The following NTNG1 variants were observed in gnomAD, a reference collection of about 807,000 sequenced individuals.
NTNG1 encodes the protein netrin G1, also known as netrin-G1.
In NTNG1, 16 loss-of-function variants were observed where a neutral mutation model predicts 54.0. The ratio of observed to expected loss-of-function variants is 0.30; its 90% CI spans 0.20 to 0.45. NTNG1 has a LOEUF of 0.45. Among genes scored for constraint, NTNG1 ranks in the 20% least tolerant of loss-of-function variants. The pLI, the probability that NTNG1 is intolerant of heterozygous loss-of-function variation, is 1.00. For synonymous variants in NTNG1, 255 were observed against 263.1 expected (o/e 0.97, Z 0.30); for missense variants, 530 against 678.7 (o/e 0.78, Z 2.43).
At chr1:107,264,818 G>T (rs1479290506) in intron 2 of NTNG1, among the ~76,000 whole-genome samples, 2 of 152,176 alleles carry the variant, frequency 1.3e-5, no homozygotes, top group Non-Finnish European at 2.9e-5. Flanking sequence ...ACTCTGTACA[G>T]CTGTCCTTGG....
At chr1:107,315,412 C>T (rs1045430106) in intron 2 of NTNG1, among the ~76,000 whole-genome samples, 1 of 152,082 alleles carries the variant, frequency 6.6e-6, no homozygotes, top group African/African-American at 2.4e-5. Flanking sequence ...TTGTGGCAGG[C>T]CTCCCCTTAC....
chr1:107,319,865 T>TATATATATATATATATATATATATATATA (rs1667552751), intron 2 of NTNG1, among the ~76,000 whole-genome samples: 1 of 147,872 alleles, frequency 6.8e-6, no homozygotes, highest in African/African-American at 2.5e-5. Flanking sequence ...TACCTGAGGT[T>TATATATATATATATATATATATATATATA]TATATATATA....
intron 5 of NTNG1, among the ~76,000 whole-genome samples, chr1:107,425,240 T>C (rs1394188628): frequency 6.6e-6 from 1 of 152,074 alleles, no homozygotes; most frequent in Non-Finnish European, 1.5e-5. Flanking sequence ...TTCATGGATA[T>C]TACATGCATA....
intron 2 of NTNG1, among the ~76,000 whole-genome samples, chr1:107,151,852 A>C (rs1407087892): frequency 6.6e-6 from 1 of 152,174 alleles, no homozygotes; most frequent in Non-Finnish European, 1.5e-5. Context: ...CCTGGATGGC[A>C]TACTTAATAA....
At chr1:107,259,410 T>A (rs1030552929) in intron 2 of NTNG1, among the ~76,000 whole-genome samples, 2 of 152,170 alleles carry the variant, frequency 1.3e-5, no homozygotes, top group African/African-American at 2.4e-5. Context: ...AGGAAGCATG[T>A]GTAAGGCATG....
chr1:107,188,411 A>G (rs770030212), intron 2 of NTNG1, among the ~76,000 whole-genome samples: 10 of 152,170 alleles, frequency 6.6e-5, no homozygotes, highest in Non-Finnish European at 1.2e-4. Context: ...CACACTCTGC[A>G]TAAGTAATAT....
At chr1:107,306,648 G>C (rs949687386) in intron 2 of NTNG1, among the ~76,000 whole-genome samples, 4 of 152,104 alleles carry the variant, frequency 2.6e-5, no homozygotes. Flanking sequence ...CTACTCAGGA[G>C]GCTGAGGCCG....
intron 2 of NTNG1, among the ~76,000 whole-genome samples, chr1:107,294,022 C>G (rs1189752966): frequency 6.6e-6 from 1 of 152,150 alleles, no homozygotes. Context: ...ATCAGACAGG[C>G]AGCAGCAGTA....
chr1:107,456,991 A>G (rs1676994899), intron 7 of NTNG1, among the ~76,000 whole-genome samples: 1 of 152,254 alleles, frequency 6.6e-6, no homozygotes, highest in African/African-American at 2.4e-5. Context: ...AACACCATCC[A>G]CACATGTAAG....
intron 3 of NTNG1, among the ~76,000 whole-genome samples, chr1:107,342,043 G>T (rs1199703304): frequency 6.6e-6 from 1 of 152,002 alleles, no homozygotes; most frequent in African/African-American, 2.4e-5. Flanking sequence ...ATTAATAAAT[G>T]ACATCAAAAA....
At chr1:107,346,500 C>A (rs965887743) in intron 3 of NTNG1, among the ~76,000 whole-genome samples, 1 of 152,118 alleles carries the variant, frequency 6.6e-6, no homozygotes, top group Non-Finnish European at 1.5e-5. Flanking sequence ...GATGGCTGTT[C>A]TGGATTTAAA....
chr1:107,394,437 TTC>T (rs1553238992), intron 3 of NTNG1, among the ~76,000 whole-genome samples: 2 of 152,124 alleles, frequency 1.3e-5, no homozygotes, highest in Admixed American at 1.3e-4. Flanking sequence ...GGATTTTTTT[TTC>T]TCCTTTAGGA....
intron 3 of NTNG1, among the ~76,000 whole-genome samples, chr1:107,384,106 G>A (rs548660995): frequency 2.6e-5 from 4 of 152,204 alleles, no homozygotes; most frequent in African/African-American, 7.2e-5. Flanking sequence ...TGGTCACGGA[G>A]CACCATCATA....
intron 2 of NTNG1, among the ~76,000 whole-genome samples, chr1:107,277,349 G>A (rs1427559605): frequency 2.0e-5 from 3 of 152,160 alleles, no homozygotes; most frequent in South Asian, 4.1e-4. Flanking sequence ...GGTGACCACA[G>A]TGGCTTGAAA....
intron 2 of NTNG1, among the ~76,000 whole-genome samples, chr1:107,250,201 A>C (rs1240026258): frequency 6.6e-6 from 1 of 152,236 alleles, no homozygotes; most frequent in Admixed American, 6.5e-5. Flanking sequence ...GTGATAAGAT[A>C]ATGAGATGGC....
Position 107,480,789 on chromosome 1 carries a change from G to T in NTNG1, c.1569G>T (p.Ala523=), listed in dbSNP as rs749716911. The change falls in exon 8 of 8, where the codon GCG becomes GCT. Residue 523 remains alanine, a synonymous_variant. Coordinates refer to ENST00000370068, the MANE Select transcript of NTNG1 (RefSeq NM_001113226.3). Reference sequence around the variant, plus strand: ...GCGCGCCCCCGCACGGCTCCCCAGCGCTGCTGCTGCTGACCACGCTGCTGG... The same window carrying T: ...GCGCGCCCCCGCACGGCTCCCCAGCTCTGCTGCTGCTGACCACGCTGCTGG... ...GQGAPPHGSP[A]LLLLTTLLGT... The T allele has an allele frequency of 2.1e-5, 34 of 1,590,676 alleles. No individual in the cohort carries two copies. The highest frequency in any genetic ancestry group is 1.6e-4 in the Admixed American group (9 of 57,192).
chr1:107,160,972 C>T (rs1308612483), intron 2 of NTNG1, among the ~76,000 whole-genome samples: 2 of 152,076 alleles, frequency 1.3e-5, no homozygotes, highest in East Asian at 3.9e-4. Flanking sequence ...CAAATACTGA[C>T]CAATCAGAAG....
chr1:107,268,970 G>A (rs1391754417), intron 2 of NTNG1, among the ~76,000 whole-genome samples: 1 of 152,020 alleles, frequency 6.6e-6, no homozygotes, highest in East Asian at 1.9e-4. Context: ...AATCTATCTG[G>A]TCTGTTTCCA....
At chr1:107,372,813 C>T (rs1016723218) in intron 3 of NTNG1, among the ~76,000 whole-genome samples, 1 of 151,916 alleles carries the variant, frequency 6.6e-6, no homozygotes, top group Non-Finnish European at 1.5e-5. Flanking sequence ...ATTTAAAGTT[C>T]TGCTTCAGGA....
Sources: gnomAD v4.1 joint callset for allele counts (sites outside exome capture counted in the v4.1 genomes callset) on GRCh38, gnomAD v4.1.1 for gene constraint, MANE v1.5 for transcripts, NCBI Gene and HGNC (gene_info 2026-07-23, HGNC 2026-07-21) for gene names.